The following NXPH1 variants were observed in gnomAD, a reference collection of about 807,000 sequenced individuals.
NXPH1 encodes the protein neurexophilin-1.
A neutral mutation model predicts 23.7 loss-of-function variants in NXPH1; 5 were observed. The ratio of observed to expected loss-of-function variants is 0.21; its 90% confidence interval spans 0.11 to 0.44. NXPH1 has a LOEUF of 0.44. Among genes scored for constraint, NXPH1 ranks in the 20% least tolerant of loss-of-function variants. NXPH1 has a pLI of 0.99. For missense variants in NXPH1, 324 were observed against 321.6 expected, an observed-to-expected ratio of 1.01 and a Z score of -0.06; for synonymous variants, 144 against 122.2, an observed-to-expected ratio of 1.18 and a Z score of -1.18.
chr7:8,682,666 G>A (rs976438874), intron 2 of NXPH1, among the ~76,000 whole-genome samples: 1 of 152,150 alleles, frequency 6.6e-6, no homozygotes, highest in Non-Finnish European at 1.5e-5. Context: ...GTGCTTAATG[G>A]AAATGAGTAC....
chr7:8,460,168 A>G lies in NXPH1; in HGVS notation c.54+24401A>G, dbSNP rs1186481834. ...ATTTTTCCCTAGGCTAGATTTTTGA[A>G]GTTAAACTTTTGTTAATTTTATATA... On this transcript the variant is annotated intron_variant, in intron 2 of 2. Coordinates refer to ENST00000405863, the MANE Select transcript of NXPH1 (RefSeq NM_152745.3). Among the ~76,000 whole-genome samples the G allele has an allele frequency of 2.0e-5, 3 of 152,142 alleles. No individual in the cohort carries two copies. In the East Asian group the frequency reaches 5.8e-4, roughly 29 times the overall value.
chr7:8,619,406 A>G (rs1039273294), intron 2 of NXPH1, among the ~76,000 whole-genome samples: 2 of 152,198 alleles, frequency 1.3e-5, no homozygotes, highest in African/African-American at 4.8e-5. Flanking sequence ...ACTCTTTACT[A>G]GAGTTTTGGT....
intron 2 of NXPH1, among the ~76,000 whole-genome samples, chr7:8,744,673 A>T (rs1485026896): frequency 6.6e-6 from 1 of 152,216 alleles, no homozygotes; most frequent in South Asian, 2.1e-4. Context: ...GACTTCCCAC[A>T]GGCGCTTAAT....
intron 2 of NXPH1, among the ~76,000 whole-genome samples, chr7:8,572,459 A>C (rs1818667147): frequency 1.3e-5 from 2 of 152,036 alleles, no homozygotes; most frequent in South Asian, 4.1e-4. Flanking sequence ...CTTATTTTTT[A>C]AACCCTGCAT....
Position 8,731,884 on chromosome 7 carries a change from C to A in NXPH1, c.55-19124C>A, listed in dbSNP as rs571978863. On this transcript the variant is annotated intron_variant, in intron 2 of 2. Coordinates refer to ENST00000405863, the MANE Select transcript of NXPH1 (RefSeq NM_152745.3). ...TGGGCTCCACCCAGTTCGAGCTTCCCGGCTGCTTTGTTTACCTAAGCAAGC... is the reference window on the plus strand; with the variant it reads ...TGGGCTCCACCCAGTTCGAGCTTCCAGGCTGCTTTGTTTACCTAAGCAAGC... Among the ~76,000 whole-genome samples, 310 of 152,346 alleles carry A rather than the reference C, an allele frequency of 2.0e-3. 1 individual carries two copies. Among genetic ancestry groups the A allele is most frequent in the African/African-American group, 7.1e-3 (294 of 41,586 alleles).
chr7:8,522,918 A>G (rs1817797173), intron 2 of NXPH1, among the ~76,000 whole-genome samples: 1 of 152,214 alleles, frequency 6.6e-6, no homozygotes, highest in Non-Finnish European at 1.5e-5. Context: ...TGTGTCACAG[A>G]GCATTGGCTA....
At chr7:8,491,459 GCT>G (rs1817246717) in intron 2 of NXPH1, among the ~76,000 whole-genome samples, 1 of 152,032 alleles carries the variant, frequency 6.6e-6, no homozygotes, top group Admixed American at 6.6e-5. Context: ...TGAAAAATAT[GCT>G]CCCGGAAGTT....
chr7:8,694,268 G>A (rs1048171146), intron 2 of NXPH1, among the ~76,000 whole-genome samples: 2 of 152,190 alleles, frequency 1.3e-5, no homozygotes, highest in Admixed American at 6.5e-5. Flanking sequence ...CTGAGATTCA[G>A]ATGCCCCTAT....
At chr7:8,455,346 A>C (rs1396614699) in intron 2 of NXPH1, among the ~76,000 whole-genome samples, 2 of 152,170 alleles carry the variant, frequency 1.3e-5, no homozygotes, top group Admixed American at 1.3e-4. Flanking sequence ...ATGATATTCC[A>C]TGTATGAAGA....
chr7:8,517,146 A>G (rs1817698462), intron 2 of NXPH1, among the ~76,000 whole-genome samples: 1 of 152,136 alleles, frequency 6.6e-6, no homozygotes, highest in African/African-American at 2.4e-5. Flanking sequence ...TTGCTGAGCT[A>G]GCAAACTAGT....
intron 2 of NXPH1, among the ~76,000 whole-genome samples, chr7:8,653,426 G>T (rs1021743230): frequency 2.0e-5 from 3 of 152,068 alleles, no homozygotes; most frequent in African/African-American, 7.2e-5. Context: ...TTTCTATAGC[G>T]CTCGTAAGCT....
chr7:8,717,510 A>G (rs1344931837), intron 2 of NXPH1, among the ~76,000 whole-genome samples: 4 of 152,284 alleles, frequency 2.6e-5, no homozygotes, highest in East Asian at 3.9e-4. Context: ...CTGAAGCTCC[A>G]TCACTGAATT....
At chr7:8,464,056 C>T (rs894618395) in intron 2 of NXPH1, among the ~76,000 whole-genome samples, 2 of 152,120 alleles carry the variant, frequency 1.3e-5, no homozygotes, top group Non-Finnish European at 2.9e-5. Context: ...ACCTTAGTGG[C>T]TCTTAAGTGC....
chr7:8,690,671 T>C (rs1312969252), intron 2 of NXPH1, among the ~76,000 whole-genome samples: 1 of 152,232 alleles, frequency 6.6e-6, no homozygotes, highest in Non-Finnish European at 1.5e-5. Flanking sequence ...GGAAACTCTA[T>C]GGAAATTGTA....
intron 2 of NXPH1, among the ~76,000 whole-genome samples, chr7:8,637,119 A>G (rs943154130): frequency 6.6e-6 from 1 of 152,106 alleles, no homozygotes; most frequent in Non-Finnish European, 1.5e-5. Context: ...CAGCCTTTAC[A>G]CTTAAATCAA....
chr7:8,721,124 T>A (rs60258870), intron 2 of NXPH1, among the ~76,000 whole-genome samples: 1 of 152,116 alleles, frequency 6.6e-6, no homozygotes, highest in South Asian at 2.1e-4. Context: ...ATAGTTCTAC[T>A]GTGGTTACAT....
chr7:8,568,690 T>A (rs192773324), intron 2 of NXPH1, among the ~76,000 whole-genome samples: 1 of 151,926 alleles, frequency 6.6e-6, no homozygotes, highest in Non-Finnish European at 1.5e-5. Context: ...AATAAATATT[T>A]ATTGAATCAG....
chr7:8,452,406 T>G (rs1816522008), intron 2 of NXPH1, among the ~76,000 whole-genome samples: 1 of 152,178 alleles, frequency 6.6e-6, no homozygotes, highest in African/African-American at 2.4e-5. Flanking sequence ...CCATTTTTGA[T>G]TTATTATATC....
intron 2 of NXPH1, among the ~76,000 whole-genome samples, chr7:8,498,641 G>C (rs1817379461): frequency 6.6e-6 from 1 of 151,896 alleles, no homozygotes; most frequent in Non-Finnish European, 1.5e-5. Flanking sequence ...CAGTTCTATT[G>C]GGAAATTATA....
Sources: allele counts gnomAD v4.1 joint callset (sites outside exome capture counted in the v4.1 genomes callset), GRCh38; gene constraint gnomAD v4.1.1; transcripts MANE v1.5; gene names NCBI Gene and HGNC (gene_info 2026-07-23, HGNC 2026-07-21).